Variants in TMTC4 observed in about 807,000 individuals in gnomAD.
TMTC4 encodes the protein protein O-mannosyl-transferase TMTC4.
In TMTC4, 65 loss-of-function variants were observed where a neutral mutation model predicts 86.0. That is an observed-to-expected ratio of 0.76 (90% confidence interval 0.62 to 0.93). TMTC4 has a LOEUF of 0.93. Among genes scored for constraint, TMTC4 ranks in the 40% least tolerant of loss-of-function variants. The pLI, the probability that TMTC4 is intolerant of heterozygous loss-of-function variation, is 0.00. For missense variants in TMTC4, 866 were observed against 948.1 expected (o/e 0.91, Z 1.14); for synonymous variants, 379 against 382.5 (o/e 0.99, Z 0.11).
At chr13:100,658,897 C>T (rs1204427082) in intron 5 of TMTC4, among the ~76,000 whole-genome samples, 1 of 152,178 alleles carries the variant, frequency 6.6e-6, no homozygotes, top group Non-Finnish European at 1.5e-5. Flanking sequence ...AGAGAGATTT[C>T]ACTAAAAGAA....
At chr13:100,647,099 T>C (rs1351279042) in intron 6 of TMTC4, among the ~76,000 whole-genome samples, 1 of 152,188 alleles carries the variant, frequency 6.6e-6, no homozygotes, top group East Asian at 1.9e-4. Flanking sequence ...TCATGAGAGA[T>C]GGGTGGCTTT....
chr13:100,670,575 AAC>A lies in TMTC4; in HGVS notation c.-207-8_-207-7del. ...TTCTCGAATCTAAATTACAACTGCA[AAC>A]ACAACACAGGTTAGCACACAGACCC... On this transcript the variant is annotated splice_polypyrimidine_tract_variant and splice_region_variant and intron_variant, in intron 1 of 18. Coordinates refer to ENST00000342624, the MANE Select transcript of TMTC4 (RefSeq NM_032813.5). The A allele has an allele frequency of 1.9e-6, 1 of 530,786 alleles. No individual in the cohort carries two copies. The highest frequency in any genetic ancestry group is 3.3e-6 in the Non-Finnish European group (1 of 303,940). The allele number at this position is 530,786 out of a possible 1,614,324, so 32.9% of individuals were successfully genotyped here.
At chr13:100,674,911 CCA>C (rs1393429583), upstream of TMTC4, 8 of 984,902 alleles carry the variant, frequency 8.1e-6, no homozygotes, top group Non-Finnish European at 9.6e-6. Flanking sequence ...CCCCCCAGCA[CCA>C]GTCTCGGCCC....
chr13:100,642,325 GA>G lies in TMTC4; in HGVS notation c.641-15del. Reference sequence around the variant, plus strand: ...CCTCCTTGTTACCTGCCAATTAAGAGAAATGATCAGTGCAAAAGTCATGGAA... The same window carrying G: ...CCTCCTTGTTACCTGCCAATTAAGAGAATGATCAGTGCAAAAGTCATGGAA... On this transcript the variant is annotated splice_polypyrimidine_tract_variant and intron_variant, in intron 6 of 18. Coordinates refer to ENST00000342624, the MANE Select transcript of TMTC4 (RefSeq NM_032813.5). 6.2e-7 allele frequency: 1 copy of G among 1,614,072 alleles called. No homozygotes were observed. Among genetic ancestry groups the G allele is most frequent in the Non-Finnish European group, 8.5e-7 (1 of 1,179,936 alleles).
At chr13:100,663,997 G>C (rs1455850999) in intron 4 of TMTC4, among the ~76,000 whole-genome samples, 1 of 152,132 alleles carries the variant, frequency 6.6e-6, no homozygotes, top group Non-Finnish European at 1.5e-5. Flanking sequence ...AAACCTCCAA[G>C]AACTGAGAAA....
At chr13:100,671,762 C>T (rs1868786826) in intron 1 of TMTC4, among the ~76,000 whole-genome samples, 1 of 152,100 alleles carries the variant, frequency 6.6e-6, no homozygotes, top group African/African-American at 2.4e-5. Context: ...TTCTCCAAGG[C>T]CTCCCACTTC....
chr13:100,625,663 C>T lies in TMTC4; in HGVS notation c.1708G>A (p.Ala570Thr), dbSNP rs751003391. The T allele has an allele frequency of 5.6e-6, 9 of 1,613,982 alleles. No individual in the cohort carries two copies. Among genetic ancestry groups the T allele is most frequent in the East Asian group, 2.2e-5 (1 of 44,890 alleles). ...ACTATGCCTAGATTCATCCACGCAG[C>T]GGCAAAGTCTGGCCTAGAGGAGCAG... is the stretch of plus-strand genomic sequence containing the variant. ...LAVQIQPDFA[A>T]AWMNLGIVQN... The change falls in exon 15 of 19, where the codon GCT becomes ACT. Residue 570 changes from alanine to threonine, a missense_variant. By Grantham distance (58) the Ala-to-Thr change is moderately conservative. Transcript: ENST00000342624.
At chr13:100,612,284 A>C in intron 17 of TMTC4, 114 bp downstream of exon 17, 1 of 794,468 alleles carries the variant, frequency 1.3e-6, no homozygotes, top group East Asian at 2.7e-5. Context: ...ACATTGGTGC[A>C]CCACTGCCAC....
Position 100,636,731 on chromosome 13 carries a change from C to T in TMTC4, c.1003G>A (p.Val335Ile), listed in dbSNP as rs770165389. The T allele has an allele frequency of 2.7e-5, 43 of 1,613,870 alleles. No individual in the cohort carries two copies. The Admixed American group carries it at 2.7e-4, about 10-fold the overall frequency. ...AATGAATAGTAGTAATTGTAGTTTA[C>T]GGCCTGCCAGTCAAAAGGAGAACAA... Reference protein sequence around the residue: ...SFADSMLVRAVNYNYYYSLNA... With the variant: ...SFADSMLVRAINYNYYYSLNA... Residue 335 changes from valine (V) to isoleucine (I), a missense_variant, in exon 10 of 19, where the codon GTA (valine) becomes ATA (isoleucine). By Grantham distance (29) the Val-to-Ile change is conservative. Coordinates refer to ENST00000342624, the MANE Select transcript of TMTC4 (RefSeq NM_032813.5).
chr13:100,663,279 G>A (rs1422207424), intron 4 of TMTC4, 99 bp from the exon 5 acceptor site: 3 of 1,045,740 alleles, frequency 2.9e-6, no homozygotes, highest in Non-Finnish European at 4.3e-6. Flanking sequence ...AATATTAAAA[G>A]GAGAAGCGGA....
intron 15 of TMTC4, 55 bp from the exon 16 acceptor site, chr13:100,614,485 C>A: frequency 8.5e-6 from 10 of 1,180,014 alleles, no homozygotes; most frequent in Non-Finnish European, 1.2e-5. Context: ...CTTCCTCTTT[C>A]CAAGACATTA....
At position 100,605,728 on chromosome 13, in the gene TMTC4, G is replaced by A. The variant is rs1876483296; in HGVS notation, c.2135-586C>T. Among the ~76,000 whole-genome samples the A allele has an allele frequency of 6.6e-6, 1 of 152,332 alleles. No homozygotes were observed. The highest frequency in any genetic ancestry group is 2.4e-5 in the African/African-American group (1 of 41,558). On this transcript the variant is annotated intron_variant, in intron 18 of 18. Coordinates refer to ENST00000342624, the MANE Select transcript of TMTC4 (RefSeq NM_032813.5). This position sits in a 1 kb window ranked among gnomAD's most constrained non-coding sequence, Gnocchi z 4.3. ...ATTAACTTTCTATATGGGCAGAAGA[G>A]CATCTGTGGACGCTTTTTGGCTTTT...
chr13:100,675,054 A>C, upstream of TMTC4: 1 of 985,648 alleles, frequency 1.0e-6, no homozygotes, highest in Non-Finnish European at 1.2e-6. Context: ...AAGGAGGCGC[A>C]GGGACAGACG....
At chr13:100,622,768 CTTT>C (rs1200112841) in intron 15 of TMTC4, among the ~76,000 whole-genome samples, 3 of 151,342 alleles carry the variant, frequency 2.0e-5, no homozygotes, top group Admixed American at 1.3e-4. Flanking sequence ...TTTAGTATTT[CTTT>C]TTTTTTAAAT....
At chr13:100,609,166 G>A (rs138049620) in intron 17 of TMTC4, among the ~76,000 whole-genome samples, 19 of 152,252 alleles carry the variant, frequency 1.2e-4, no homozygotes, top group African/African-American at 4.3e-4. Context: ...CTTGGTGGTG[G>A]TGTGTGGGCC....
chr13:100,662,930 G>A (rs750287035), intron 5 of TMTC4, 34 bp downstream of exon 5: 24 of 1,609,246 alleles, frequency 1.5e-5, no homozygotes, highest in African/African-American at 2.7e-5. Flanking sequence ...CGCTTCTCAC[G>A]TGCATACAGA....
At chr13:100,608,716 C>CTGTGGAGGTCTCTGA (rs1159788695) in intron 17 of TMTC4, among the ~76,000 whole-genome samples, 2 of 152,300 alleles carry the variant, frequency 1.3e-5, no homozygotes, top group African/African-American at 4.8e-5. Context: ...AATTGATCTT[C>CTGTGGAGGTCTCTGA]TGTGGAGGTC....
intron 15 of TMTC4, among the ~76,000 whole-genome samples, chr13:100,622,726 T>A (rs1394037825): frequency 6.6e-6 from 1 of 152,240 alleles, no homozygotes. Flanking sequence ...ATCAGCATTA[T>A]GAAAATGGAC....
At chr13:100,640,390 T>C (rs542060501) in intron 7 of TMTC4, among the ~76,000 whole-genome samples, 112 of 152,298 alleles carry the variant, frequency 7.4e-4, no homozygotes, top group African/African-American at 2.6e-3. Flanking sequence ...AATTAACTCA[T>C]GAAATTCAAG....
Sources: gnomAD v4.1 joint callset for allele counts (sites outside exome capture counted in the v4.1 genomes callset) on GRCh38, gnomAD v4.1.1 for gene constraint, Gnocchi (gnomAD v3.1) non-coding constraint, MANE v1.5 for transcripts, NCBI Gene and HGNC (gene_info 2026-07-23, HGNC 2026-07-21) for gene names.